ACRBP: variants seen among roughly 807,000 people sequenced by gnomAD.
ACRBP encodes acrosin-binding protein.
In ACRBP, 52 loss-of-function variants were observed where a neutral mutation model predicts 69.0. The observed-to-expected ratio is 0.75, with a 90% CI of 0.60 to 0.95. ACRBP has a LOEUF of 0.95. Among genes scored for constraint, ACRBP ranks in the 40% least tolerant of loss-of-function variants. The pLI, the probability that ACRBP is intolerant of heterozygous loss-of-function variation, is 0.00. For synonymous variants in ACRBP, 267 were observed against 258.9 expected, an observed-to-expected ratio of 1.03 and a Z score of -0.30; for missense variants, 604 against 673.0, an observed-to-expected ratio of 0.90 and a Z score of 1.13.
Position 6,645,352 on chromosome 12 carries a change from G to C in ACRBP, c.358-15C>G, listed in dbSNP as rs10849493. On this transcript the variant is annotated splice_polypyrimidine_tract_variant and intron_variant, in intron 3 of 9. Transcript: ENST00000229243. Reference sequence around the variant, plus strand: ...CACAGGACTCTCTGCAGGAAGAGAAGGAAAATGGGAAAGCCTTTCCTAAAG... The same window carrying C: ...CACAGGACTCTCTGCAGGAAGAGAACGAAAATGGGAAAGCCTTTCCTAAAG... 0.05 allele frequency: 79,578 copies of C among 1,591,074 alleles called. 5,019 individuals carry two copies. Among genetic ancestry groups the C allele is most frequent in the East Asian group, 0.35 (15,655 of 44,688 alleles).
intron 6 of ACRBP, among the ~76,000 whole-genome samples, chr12:6,642,293 T>A (rs1309347579): frequency 6.6e-6 from 1 of 152,258 alleles, no homozygotes; most frequent in Non-Finnish European, 1.5e-5. Flanking sequence ...AGTTTTATTC[T>A]AAGAGTTTTA....
chr12:6,644,450 GT>G lies in ACRBP; in HGVS notation c.630del (p.Glu210AspfsTer66). On this transcript the variant is annotated frameshift_variant, in exon 5 of 10. Transcript: ENST00000229243. LOFTEE classifies it high-confidence loss of function. Reference protein sequence around the residue: ...GVEHRQEPTQEHKQEEGQKQE... With the variant: ...GVEHRQEPTQXHKQEEGQKQE... Reference sequence around the variant, plus strand: ...TGTTTCTGCCCCTCTTCCTGCTTGTGTTCTTGTGTCGGCTCCTGCCTGTGCT... The same window carrying G: ...TGTTTCTGCCCCTCTTCCTGCTTGTGTCTTGTGTCGGCTCCTGCCTGTGCT... 1 of 1,613,946 alleles carries G rather than the reference GT, an allele frequency of 6.2e-7. No homozygotes were observed. Among genetic ancestry groups the G allele is most frequent in the African/African-American group, 1.3e-5 (1 of 74,940 alleles).
chr12:6,643,488 C>G (rs2136250436), intron 6 of ACRBP, 51 bp downstream of exon 6: 1 of 1,605,928 alleles, frequency 6.2e-7, no homozygotes, highest in Non-Finnish European at 8.5e-7. Context: ...CAGTGCCTGG[C>G]CAAGAGGATG....
rs1949043979 is a variant in ACRBP, at chr12:6,640,343, C to T, written c.1257G>A (p.Gln419=). 6.2e-7 allele frequency: 1 copy of T among 1,614,146 alleles called. No individual in the cohort carries two copies. Among genetic ancestry groups the T allele is most frequent in the Non-Finnish European group, 8.5e-7 (1 of 1,180,026 alleles). ...LASQSLSIGN[Q]VGSPESGRFY... ...CACTGCGGGCTGCCGGGCTAGATAC[C>T]TGGTTGCCGATGGACAGGCTCTGGG... is the stretch of plus-strand genomic sequence containing the variant. The change falls in exon 7 of 10, where the codon CAG becomes CAA. Residue 419 remains glutamine (Q), a splice_region_variant and synonymous_variant. Transcript: ENST00000229243. This position sits in a 1 kb window ranked among gnomAD's most constrained non-coding sequence, Gnocchi z 5.3.
Position 6,646,593 on chromosome 12 carries a change from G to T in ACRBP, c.263-16C>A. 1 of 1,611,740 alleles carries T rather than the reference G, an allele frequency of 6.2e-7. No homozygotes were observed. The highest frequency in any genetic ancestry group is 8.5e-7 in the Non-Finnish European group (1 of 1,177,882). On this transcript the variant is annotated splice_polypyrimidine_tract_variant and intron_variant, in intron 2 of 9. Transcript: ENST00000229243. Reference sequence around the variant, plus strand: ...CAGACAGCACCTGAGAAAGGGCAGGGGTGGAGAAGATGAACCCGTGGGGAG... The same window carrying T: ...CAGACAGCACCTGAGAAAGGGCAGGTGTGGAGAAGATGAACCCGTGGGGAG...
chr12:6,638,571 A>G (rs747230791), intron 9 of ACRBP, 167 bp from the exon 10 acceptor site: 113 of 1,223,868 alleles, frequency 9.2e-5, no homozygotes, highest in Non-Finnish European at 1.1e-4. Context: ...GCCAGAGGAG[A>G]CATCAAGCAG....
Position 6,640,122 on chromosome 12 carries a change from G to C in ACRBP, c.1363C>G (p.Arg455Gly), listed in dbSNP as rs148213737. ...RLATKGCEDV[R>G]VSGWLQTEFL... The stretch of plus-strand genomic sequence containing the variant: ...TCAGTCTGGAGCCACCCAGAGACTC[G>C]GACATCTTCACAGCCTTTCGTGGCA... Residue 455 changes from arginine (R) to glycine (G), a missense_variant, in exon 8 of 10, where the codon CGA (arginine) becomes GGA (glycine). This residue lies in a region of ACRBP where 532 missense variants were observed against 562.9 expected (regional missense o/e 0.95). Transcript: ENST00000229243. This position sits in a 1 kb window ranked among gnomAD's most constrained non-coding sequence, Gnocchi z 5.3. 4.6e-4 allele frequency: 745 copies of C among 1,614,174 alleles called. No homozygotes were observed. The highest frequency in any genetic ancestry group is 5.9e-4 in the Non-Finnish European group (700 of 1,180,026).
Position 6,640,514 on chromosome 12 carries a change from G to C in ACRBP, c.1086C>G (p.Asp362Glu). 6.2e-7 allele frequency: 1 copy of C among 1,613,596 alleles called. No individual in the cohort carries two copies. The highest frequency in any genetic ancestry group is 8.5e-7 in the Non-Finnish European group (1 of 1,179,732). ...TAGACATGTGTCGCCGCCCAAGGCT[G>C]TCACAGACCTGGGGCAGGGGAATGG... ...EILGFGKSVC[D>E]SLGRRHMSTC... Residue 362 changes from aspartate (D) to glutamate (E), a missense_variant, in exon 7 of 10, where the codon GAC becomes GAG. Coordinates refer to ENST00000229243, the MANE Select transcript of ACRBP (RefSeq NM_032489.3). The surrounding 1 kb of genome is among the most constrained non-coding windows in gnomAD (Gnocchi z 5.3).
intron 8 of ACRBP, 61 bp from the exon 9 acceptor site, chr12:6,639,098 C>T: frequency 6.8e-7 from 1 of 1,470,856 alleles, no homozygotes; most frequent in Non-Finnish European, 9.5e-7. Context: ...CAGCAGCACT[C>T]CAGGGAATAT....
chr12:6,646,380 G>A, intron 3 of ACRBP, 103 bp downstream of exon 3: 1 of 989,978 alleles, frequency 1.0e-6, no homozygotes, highest in Non-Finnish European at 1.6e-6. Context: ...CAGGGAAGGA[G>A]GAGCTAAGGA....
chr12:6,647,154 A>T, intron 1 of ACRBP, 142 bp from the exon 2 acceptor site: 1 of 1,102,424 alleles, frequency 9.1e-7, no homozygotes, highest in Non-Finnish European at 1.3e-6. Context: ...CTAGAGACAG[A>T]GGCAAAGGTC....
At position 6,644,159 on chromosome 12, in the gene ACRBP, A is replaced by C. The variant is rs772083932; in HGVS notation, c.922T>G (p.Trp308Gly). ...MNEIYDENSY[W>G]RNQNPGSLLQ... is the part of the protein sequence containing the mutation. ...TACCTGCCAGGGTTTTGGTTTCTCC[A>C]GTAGGAGTTCTCATCATATATTTCA... The change falls in exon 5 of 10, where the codon TGG becomes GGG. Residue 308 changes from tryptophan to glycine, a missense_variant. Coordinates refer to ENST00000229243, the MANE Select transcript of ACRBP (RefSeq NM_032489.3). 3 of 1,596,640 alleles carry C rather than the reference A, an allele frequency of 1.9e-6. No individual in the cohort carries two copies. The highest frequency in any genetic ancestry group is 3.4e-5 in the Admixed American group (2 of 58,420).
intron 3 of ACRBP, among the ~76,000 whole-genome samples, chr12:6,645,646 G>A (rs1163282127): frequency 6.9e-6 from 1 of 144,260 alleles, no homozygotes; most frequent in Non-Finnish European, 1.5e-5. Context: ...TTTTGTTTGG[G>A]TTTTGGGTTT....
chr12:6,640,423 G>A lies in ACRBP; in HGVS notation c.1177C>T (p.Arg393Trp), dbSNP rs376661923. Reference sequence around the variant, plus strand: ...TTGTGGGAGGTGTCGCATTGTTGCCGCTGCAGGCTGGCCTCTGAGTGGCAC... The same window carrying A: ...TTGTGGGAGGTGTCGCATTGTTGCCACTGCAGGCTGGCCTCTGAGTGGCAC... ...EQCHSEASLQ[R>W]QQCDTSHKTP... The change falls in exon 7 of 10, where the codon CGG (arginine) becomes TGG (tryptophan). Residue 393 changes from arginine (R) to tryptophan (W), a missense_variant. By Grantham distance (101) the Arg-to-Trp change is moderately radical. This residue lies in a region of ACRBP where 532 missense variants were observed against 562.9 expected (regional missense o/e 0.95). Coordinates refer to ENST00000229243, the MANE Select transcript of ACRBP (RefSeq NM_032489.3). The surrounding 1 kb of genome is among the most constrained non-coding windows in gnomAD (Gnocchi z 5.3). The A allele has an allele frequency of 5.6e-6, 9 of 1,614,040 alleles. 1 individual carries two copies. The highest frequency in any genetic ancestry group is 3.3e-5 in the South Asian group (3 of 91,084).
In ACRBP at chr12:6,647,381, CG is replaced by C. The variant is rs1565393635; in HGVS notation, c.-16del. ...GGCTTCCTCATGGCCGGAGAAGATC[CG>C]CCCGCGTCCCGTGGACACAAGCCGC... On this transcript the variant is annotated 5_prime_UTR_variant, in exon 1 of 10. Coordinates refer to ENST00000229243, the MANE Select transcript of ACRBP (RefSeq NM_032489.3). 6.6e-7 allele frequency: 1 copy of C among 1,520,736 alleles called. No individual in the cohort carries two copies. The highest frequency in any genetic ancestry group is 1.4e-5 in the African/African-American group (1 of 71,444). 94.2% of individuals were successfully genotyped at this position (1,520,736 alleles called of 1,614,324 possible). A position where few individuals can be genotyped will look rare whatever the true frequency, so the allele number is the denominator to read the frequency against.
chr12:6,643,623 C>T lies in ACRBP; in HGVS notation c.993G>A (p.Ser331=), dbSNP rs762873728. The change falls in exon 6 of 10, where the codon TCG becomes TCA. Residue 331 remains serine, a synonymous_variant. Transcript: ENST00000229243. ...HTEALLVLCY[S]IVENTCIITP... ...TTATGATGCAGGTATTCTCCACGATCGAATAGCACAGCACCAGCAAGGCCT... is the reference window on the plus strand; with the variant it reads ...TTATGATGCAGGTATTCTCCACGATTGAATAGCACAGCACCAGCAAGGCCT... The T allele has an allele frequency of 6.8e-6, 11 of 1,614,084 alleles. No individual in the cohort carries two copies. Among genetic ancestry groups the T allele is most frequent in the East Asian group, 6.7e-5 (3 of 44,898 alleles).
At chr12:6,646,688 G>C in intron 2 of ACRBP, 106 bp downstream of exon 2, 1 of 1,517,618 alleles carries the variant, frequency 6.6e-7, no homozygotes, top group Non-Finnish European at 9.1e-7. Flanking sequence ...TCATGGTGTG[G>C]TGCCAGCCAT....
Position 6,640,291 on chromosome 12 carries a change from A to G in ACRBP, c.1257+52T>C. 3 of 1,549,268 alleles carry G rather than the reference A, an allele frequency of 1.9e-6. No individual in the cohort carries two copies. The highest frequency in any genetic ancestry group is 2.6e-6 in the Non-Finnish European group (3 of 1,133,296). On this transcript the variant is annotated intron_variant, in intron 7 of 9. Transcript: ENST00000229243. This position sits in a 1 kb window ranked among gnomAD's most constrained non-coding sequence, Gnocchi z 5.3. Reference sequence around the variant, plus strand: ...CCCACCTGCTGGCCACCACCACCCCACCCCTGCCACCCAGTTCTGCCTTTC... The same window carrying G: ...CCCACCTGCTGGCCACCACCACCCCGCCCCTGCCACCCAGTTCTGCCTTTC...
intron 1 of ACRBP, 108 bp downstream of exon 1, chr12:6,647,216 C>A: frequency 7.4e-7 from 1 of 1,355,932 alleles, no homozygotes; most frequent in Admixed American, 2.6e-5. Context: ...GGAGCCGACC[C>A]AGCGCGACCA....
Sources: gnomAD v4.1 joint callset for allele counts (sites outside exome capture counted in the v4.1 genomes callset) on GRCh38, gnomAD v4.1.1 for gene constraint, gnomAD v4.1.1 regional missense constraint, Gnocchi (gnomAD v3.1) non-coding constraint, MANE v1.5 for transcripts, NCBI Gene and HGNC (gene_info 2026-07-23, HGNC 2026-07-21) for gene names.